The following IL1R2 variants were observed in gnomAD, a reference collection of about 807,000 sequenced individuals.
IL1R2 encodes interleukin-1 receptor type 2.
Under a neutral mutation model 39.5 loss-of-function variants are expected in IL1R2, and 46 were observed. That is an observed-to-expected ratio of 1.16 (90% CI 0.92 to 1.49). The LOEUF is 1.49. Ranked by LOEUF, IL1R2 falls within the 40% of genes most tolerant of loss-of-function variation. IL1R2 has a pLI of 0.00. For synonymous variants in IL1R2, 207 were observed against 189.6 expected, an observed-to-expected ratio of 1.09 and a Z score of -0.75; for missense variants, 537 against 502.0, an observed-to-expected ratio of 1.07 and a Z score of -0.67.
intron 4 of IL1R2, among the ~76,000 whole-genome samples, chr2:102,019,062 C>T (rs1204323502): frequency 6.6e-6 from 1 of 152,158 alleles, no homozygotes; most frequent in Admixed American, 6.5e-5. Flanking sequence ...TCCGCTCTTT[C>T]TATTTCCTGG....
chr2:102,022,251 T>C lies in IL1R2; in HGVS notation c.751+2T>C. 1.2e-6 allele frequency: 2 copies of C among 1,612,812 alleles called. No individual in the cohort carries two copies. The highest frequency in any genetic ancestry group is 1.7e-6 in the Non-Finnish European group (2 of 1,178,778). ...TCAAGACCATATCAGCTTCTCTGGG[T>C]AAGGCCCACAAGGACCATGCATTCC... On this transcript the variant is annotated splice_donor_variant, in intron 6 of 8. Transcript: ENST00000332549. LOFTEE classifies it high-confidence loss of function.
Position 102,009,603 on chromosome 2 carries a change from C to A in IL1R2, c.109C>A (p.Arg37=), listed in dbSNP as rs145537257. The A allele has an allele frequency of 6.2e-7, 1 of 1,614,036 alleles. No individual in the cohort carries two copies. The highest frequency in any genetic ancestry group is 1.3e-5 in the African/African-American group (1 of 74,912). The part of the protein sequence containing the change: ...SCRFRGRHYK[R]EFRLEGEPVA... ...CCGGTTTCGTGGGAGGCATTACAAG[C>A]GGGAGTTCAGGCTGGAAGGGGAGCC... Residue 37 remains arginine, a synonymous_variant, in exon 3 of 9, where the codon CGG becomes AGG. Coordinates refer to ENST00000332549, the MANE Select transcript of IL1R2 (RefSeq NM_004633.4).
At chr2:102,003,906 T>C (rs904838834) in intron 1 of IL1R2, among the ~76,000 whole-genome samples, 1 of 152,114 alleles carries the variant, frequency 6.6e-6, no homozygotes, top group Non-Finnish European at 1.5e-5. Context: ...TGTGTCTCTG[T>C]CTGTGTCTAT....
rs13403062 is a variant in IL1R2, at chr2:102,015,368, C to T, written c.333-503C>T. Among the ~76,000 whole-genome samples, 934 of 152,292 alleles carry T rather than the reference C, an allele frequency of 6.1e-3. 10 individuals carry two copies. Among genetic ancestry groups the T allele is most frequent in the African/African-American group, 0.021 (890 of 41,548 alleles). On this transcript the variant is annotated intron_variant, in intron 3 of 8. Coordinates refer to ENST00000332549, the MANE Select transcript of IL1R2 (RefSeq NM_004633.4). ...TTTTCTGTACAATTATGTTACGACA[C>T]TTGTTGCCCCCCAAGTGTTCGAAAA... is the stretch of plus-strand genomic sequence containing the variant.
chr2:102,008,711 A>T (rs369094184), intron 2 of IL1R2, 69 bp downstream of exon 2: 17 of 1,369,582 alleles, frequency 1.2e-5, no homozygotes, highest in Non-Finnish European at 1.4e-5. Flanking sequence ...TGTTATCTAG[A>T]GAAGTTTCCT....
intron 4 of IL1R2, among the ~76,000 whole-genome samples, chr2:102,019,257 T>C (rs1245749198): frequency 6.6e-6 from 1 of 152,124 alleles, no homozygotes; most frequent in East Asian, 1.9e-4. Flanking sequence ...AGCATTGTTG[T>C]CCAGGTCATC....
At chr2:102,006,691 G>A (rs1349583394) in intron 1 of IL1R2, among the ~76,000 whole-genome samples, 1 of 152,234 alleles carries the variant, frequency 6.6e-6, no homozygotes, top group African/African-American at 2.4e-5. Context: ...CTAGTGTGTG[G>A]GCCATGAGGG....
intron 8 of IL1R2, 84 bp downstream of exon 8, chr2:102,026,337 C>T: frequency 9.6e-7 from 1 of 1,046,608 alleles, no homozygotes; most frequent in Non-Finnish European, 1.3e-6. Context: ...ACTTGTTCTC[C>T]AAATGATTCC....
intron 1 of IL1R2, among the ~76,000 whole-genome samples, chr2:101,995,495 A>C (rs577853200): frequency 6.6e-6 from 1 of 152,132 alleles, no homozygotes; most frequent in South Asian, 2.1e-4. Flanking sequence ...CCCAAACGAT[A>C]CCTTGATTTC....
chr2:102,024,315 T>C (rs557978448), intron 6 of IL1R2, among the ~76,000 whole-genome samples: 1 of 152,318 alleles, frequency 6.6e-6, no homozygotes, highest in Admixed American at 6.5e-5. Flanking sequence ...TCTTGGTTTT[T>C]GCCTGCCATG....
intron 4 of IL1R2, among the ~76,000 whole-genome samples, chr2:102,018,770 C>T (rs1177729800): frequency 1.3e-5 from 2 of 152,142 alleles, no homozygotes; most frequent in African/African-American, 2.4e-5. Flanking sequence ...AGTTCCCATA[C>T]ACCACTGGAA....
intron 8 of IL1R2, among the ~76,000 whole-genome samples, chr2:102,026,603 T>C (rs530207890): frequency 6.6e-6 from 1 of 152,334 alleles, no homozygotes; most frequent in South Asian, 2.1e-4. Context: ...GATTGTTCTT[T>C]ATCCTGAAGA....
At chr2:102,002,691 A>AGTCTATGTCTAG in intron 1 of IL1R2, among the ~76,000 whole-genome samples, 1 of 127,342 alleles carries the variant, frequency 7.9e-6, no homozygotes, top group South Asian at 2.6e-4. Flanking sequence ...TCTGTGTCTA[A>AGTCTATGTCTAG]GTCTATGTCT....
At chr2:102,010,013 T>C (rs192189929) in intron 3 of IL1R2, 187 bp downstream of exon 3, 1 of 679,084 alleles carries the variant, frequency 1.5e-6, no homozygotes, top group East Asian at 2.8e-5. Context: ...CTCCATTTAG[T>C]CTTTGCTCAA....
At position 102,028,287 on chromosome 2, in the gene IL1R2, G is replaced by T; in HGVS notation, c.1092G>T (p.Leu364Phe). ...CACTTTCACTGGCCTTCTTGGTTTTGGGGGGAATATGGATGCACAGACGGT... is the reference window on the plus strand; with the variant it reads ...CACTTTCACTGGCCTTCTTGGTTTTTGGGGGAATATGGATGCACAGACGGT... Reference protein sequence around the residue: ...LAPLSLAFLVLGGIWMHRRCK... With the variant: ...LAPLSLAFLVFGGIWMHRRCK... The change falls in exon 9 of 9, where the codon TTG becomes TTT. Residue 364 changes from leucine to phenylalanine, a missense_variant. By Grantham distance (22) the Leu-to-Phe change is conservative. Transcript: ENST00000332549. 6.2e-7 allele frequency: 1 copy of T among 1,612,668 alleles called. No individual in the cohort carries two copies. The highest frequency in any genetic ancestry group is 8.5e-7 in the Non-Finnish European group (1 of 1,179,428).
intron 1 of IL1R2, among the ~76,000 whole-genome samples, chr2:102,003,936 T>A (rs1676095081): frequency 6.6e-6 from 1 of 151,732 alleles, no homozygotes; most frequent in South Asian, 2.1e-4. Flanking sequence ...TAGGTCTAGG[T>A]CTAGGTCTGT....
intron 1 of IL1R2, among the ~76,000 whole-genome samples, chr2:101,996,611 C>T (rs1211466717): frequency 6.7e-6 from 1 of 148,824 alleles, no homozygotes; most frequent in African/African-American, 2.5e-5. Flanking sequence ...GCACATTTTC[C>T]AGAGAGTGGA....
At chr2:102,008,707 C>T (rs1676422851) in intron 2 of IL1R2, 65 bp downstream of exon 2, 1 of 1,387,422 alleles carries the variant, frequency 7.2e-7, no homozygotes. Context: ...AAGATGTTAT[C>T]TAGAGAAGTT....
intron 8 of IL1R2, among the ~76,000 whole-genome samples, chr2:102,027,456 C>A (rs1372098245): frequency 6.6e-6 from 1 of 152,190 alleles, no homozygotes; most frequent in Admixed American, 6.5e-5. Flanking sequence ...CCAGGGAACA[C>A]AGGCTGTAAG....
Sources: gnomAD v4.1 joint callset for allele counts (sites outside exome capture counted in the v4.1 genomes callset) on GRCh38, gnomAD v4.1.1 for gene constraint, MANE v1.5 for transcripts, NCBI Gene and HGNC (gene_info 2026-07-23, HGNC 2026-07-21) for gene names.